EIF2AK3: variants seen among roughly 807,000 people sequenced by gnomAD.
The protein encoded by EIF2AK3 is eukaryotic translation initiation factor 2-alpha kinase 3.
EIF2AK3 carries 50 observed loss-of-function variants against 113.5 expected under a neutral mutation model. That is an observed-to-expected ratio of 0.44 (90% CI 0.35 to 0.56). EIF2AK3 has a LOEUF of 0.56. EIF2AK3 is among the 20% of genes least tolerant of loss of function. The pLI is 0.00. For synonymous variants in EIF2AK3, 448 were observed against 495.4 expected, an observed-to-expected ratio of 0.90 and a Z score of 1.27; for missense variants, 1,185 against 1,378.0, an observed-to-expected ratio of 0.86 and a Z score of 2.22.
intron 13 of EIF2AK3, among the ~76,000 whole-genome samples, chr2:88,571,871 T>A (rs1339687081): frequency 1.3e-5 from 2 of 152,152 alleles, no homozygotes; most frequent in African/African-American, 4.8e-5. Flanking sequence ...TATTACACTG[T>A]TTATTGAATA....
intron 2 of EIF2AK3, among the ~76,000 whole-genome samples, chr2:88,597,650 T>TGTAC (rs774702502): frequency 1.3e-5 from 2 of 152,244 alleles, no homozygotes; most frequent in African/African-American, 4.8e-5. Context: ...AACATCCTTC[T>TGTAC]GTACCAACTT....
In EIF2AK3 at chr2:88,574,737, G is replaced by A; in HGVS notation, c.2746C>T (p.His916Tyr). ...IEERERSVCL[H>Y]IFLQIAEAVE... ...GCCTCTGCGATCTGCAGGAAGATGT[G>A]CAGACACACGCTCCTCTCTCTCTCC... Residue 916 changes from histidine (H) to tyrosine (Y), a missense_variant, in exon 13 of 17, where the codon CAC (histidine) becomes TAC (tyrosine). This residue lies in a region of EIF2AK3 where 877 missense variants were observed against 1,024.2 expected (regional missense o/e 0.86). Coordinates refer to ENST00000303236, the MANE Select transcript of EIF2AK3 (RefSeq NM_004836.7). The A allele has an allele frequency of 1.2e-6, 2 of 1,614,164 alleles. No individual in the cohort carries two copies. Among genetic ancestry groups the A allele is most frequent in the Admixed American group, 3.3e-5 (2 of 60,018 alleles).
intron 1 of EIF2AK3, among the ~76,000 whole-genome samples, chr2:88,617,597 A>G (rs1478925911): frequency 6.6e-6 from 1 of 151,754 alleles, no homozygotes; most frequent in African/African-American, 2.4e-5. Flanking sequence ...CTACTAAAAT[A>G]TAAAAAAAAA....
intron 2 of EIF2AK3, among the ~76,000 whole-genome samples, chr2:88,601,595 T>C (rs1337901779): frequency 2.6e-5 from 4 of 152,190 alleles, no homozygotes; most frequent in African/African-American, 9.7e-5. Context: ...ACAGGAAAAG[T>C]TTGCTGGCCC....
At position 88,626,955 on chromosome 2, in the gene EIF2AK3, G is replaced by T. The variant is rs1401682224; in HGVS notation, c.308+12C>A. On this transcript the variant is annotated intron_variant, in intron 1 of 16. Transcript: ENST00000303236. ...TAAACAAGTTGCCTCCCCCGGGTCG[G>T]CAGCCCCTCACCTGCCGCGCGGTCG... The T allele has an allele frequency of 6.2e-7, 1 of 1,606,400 alleles. No homozygotes were observed. Among genetic ancestry groups the T allele is most frequent in the African/African-American group, 1.3e-5 (1 of 74,122 alleles).
In EIF2AK3 at chr2:88,557,673, G is replaced by A; in HGVS notation, c.*63C>T. ...TTTTCAAGTCTGCAATTTTGGACAG[G>A]CATATTCTAAGAAGTAGGCTATTAT... On this transcript the variant is annotated 3_prime_UTR_variant, in exon 17 of 17. Transcript: ENST00000303236. The A allele has an allele frequency of 2.6e-6, 4 of 1,556,602 alleles. No homozygotes were observed. Among genetic ancestry groups the A allele is most frequent in the Admixed American group, 1.7e-5 (1 of 59,952 alleles).
chr2:88,607,169 GTGATCCAAA>G (rs1363289007), intron 2 of EIF2AK3, among the ~76,000 whole-genome samples: 33 of 152,164 alleles, frequency 2.2e-4, no homozygotes, highest in Non-Finnish European at 4.6e-4. Flanking sequence ...ATTTGGTGAA[GTGATCCAAA>G]TGTAGCCCAG....
At chr2:88,599,716 T>C (rs915372308) in intron 2 of EIF2AK3, among the ~76,000 whole-genome samples, 3 of 152,140 alleles carry the variant, frequency 2.0e-5, no homozygotes, top group African/African-American at 2.4e-5. Context: ...AGTAAACAGA[T>C]AGCGTTTATT....
intron 2 of EIF2AK3, among the ~76,000 whole-genome samples, chr2:88,606,621 CAGTAAA>C (rs1202987182): frequency 6.6e-6 from 1 of 152,162 alleles, no homozygotes; most frequent in Admixed American, 6.5e-5. Flanking sequence ...GGACAGCTTT[CAGTAAA>C]AGTAAGAGAA....
intron 2 of EIF2AK3, among the ~76,000 whole-genome samples, chr2:88,611,091 T>C (rs1015955171): frequency 3.3e-5 from 5 of 152,094 alleles, no homozygotes; most frequent in Admixed American, 3.3e-4. Context: ...CACCAAACAG[T>C]CTCAGAACCA....
At chr2:88,586,156 C>T (rs1250285129) in intron 8 of EIF2AK3, 95 bp from the exon 9 acceptor site, 5 of 937,086 alleles carry the variant, frequency 5.3e-6, no homozygotes, top group Non-Finnish European at 8.3e-6. Flanking sequence ...TGTGACTTAT[C>T]ACATTAATTC....
At position 88,562,333 on chromosome 2, in the gene EIF2AK3, A is replaced by T; in HGVS notation, c.3043T>A (p.Phe1015Ile). The stretch of plus-strand genomic sequence containing the variant: ...GTGCTGAATGGATACAGCAATTCAA[A>T]TAGAATCAGGCCTAAAGAAAAGATG... ...VDIFSLGLIL[F>I]ELLYPFSTQM... is the part of the protein sequence containing the mutation. The change falls in exon 15 of 17, where the codon TTT (phenylalanine) becomes ATT (isoleucine). Residue 1015 changes from phenylalanine (F) to isoleucine (I), a missense_variant. Phe to Ile is a conservative substitution (Grantham distance 21, BLOSUM62 0). Transcript: ENST00000303236. The T allele has an allele frequency of 6.2e-7, 1 of 1,614,138 alleles. No individual in the cohort carries two copies. Among genetic ancestry groups the T allele is most frequent in the Non-Finnish European group, 8.5e-7 (1 of 1,179,990 alleles).
At position 88,557,669 on chromosome 2, in the gene EIF2AK3, A is replaced by G; in HGVS notation, c.*67T>C. 1.3e-6 allele frequency: 2 copies of G among 1,545,004 alleles called. No individual in the cohort carries two copies. The highest frequency in any genetic ancestry group is 1.8e-6 in the Non-Finnish European group (2 of 1,117,512). On this transcript the variant is annotated 3_prime_UTR_variant, in exon 17 of 17. Transcript: ENST00000303236. ...AAACTTTTCAAGTCTGCAATTTTGG[A>G]CAGGCATATTCTAAGAAGTAGGCTA... is the stretch of plus-strand genomic sequence containing the variant.
rs773937986 is a variant in EIF2AK3 at position 88,627,105 on chromosome 2, G to A, written c.170C>T (p.Thr57Met). ...CACGGCGCCCGCCGCCGGTACTCGC[G>A]TCGCTGAGGTGGGAGCAGCGGCCGC... ...LGAAAAPTSA[T>M]RVPAAGAVAA... The change falls in exon 1 of 17, where the codon ACG (threonine) becomes ATG (methionine). Residue 57 changes from threonine (T) to methionine (M), a missense_variant. By Grantham distance (81) the Thr-to-Met change is moderately conservative. Around this residue, in one of 3 missense-constraint regions of EIF2AK3, gnomAD observed 189 missense variants for 175.2 expected, o/e 1.08. Coordinates refer to ENST00000303236, the MANE Select transcript of EIF2AK3 (RefSeq NM_004836.7). 1.1e-5 allele frequency: 17 copies of A among 1,536,978 alleles called. No homozygotes were observed. The East Asian group carries it at 3.5e-4, about 31-fold the overall frequency.
chr2:88,586,496 A>G (rs1361164770), intron 8 of EIF2AK3, among the ~76,000 whole-genome samples: 1 of 151,988 alleles, frequency 6.6e-6, no homozygotes, highest in Non-Finnish European at 1.5e-5. Flanking sequence ...GGTTCAGTTT[A>G]GGCTGTCAAA....
chr2:88,581,116 T>C (rs1445690269), intron 10 of EIF2AK3, among the ~76,000 whole-genome samples: 1 of 152,102 alleles, frequency 6.6e-6, no homozygotes, highest in East Asian at 1.9e-4. Context: ...GAGCTGAGAT[T>C]TGAACTCATG....
intron 1 of EIF2AK3, among the ~76,000 whole-genome samples, chr2:88,621,632 T>C (rs937423714): frequency 3.3e-5 from 5 of 152,214 alleles, no homozygotes; most frequent in African/African-American, 1.2e-4. Flanking sequence ...CTGATTAGAC[T>C]ATACTTCCTG....
At chr2:88,587,901 T>C in intron 8 of EIF2AK3, 81 bp downstream of exon 8, 1 of 982,576 alleles carries the variant, frequency 1.0e-6, no homozygotes, top group Non-Finnish European at 1.5e-6. Flanking sequence ...TTGTCTATAC[T>C]CTAATCGACT....
chr2:88,588,208 C>A, intron 7 of EIF2AK3, 104 bp from the exon 8 acceptor site: 1 of 751,144 alleles, frequency 1.3e-6, no homozygotes, highest in Non-Finnish European at 2.0e-6. Flanking sequence ...TGATATTCAA[C>A]CATAATTCAA....
Sources: gnomAD v4.1 joint callset for allele counts (sites outside exome capture counted in the v4.1 genomes callset) on GRCh38, gnomAD v4.1.1 for gene constraint, gnomAD v4.1.1 regional missense constraint, MANE v1.5 for transcripts, NCBI Gene and HGNC (gene_info 2026-07-23, HGNC 2026-07-21) for gene names.